PRELID2: variants seen among roughly 807,000 people sequenced by gnomAD.
The protein encoded by PRELID2 is PRELI domain-containing protein 2.
PRELID2 carries 25 observed loss-of-function variants against 28.4 expected under a neutral mutation model. That is an observed-to-expected ratio of 0.88 (90% CI 0.64 to 1.23). PRELID2 has a LOEUF of 1.23. Ranked by LOEUF, PRELID2 falls within the 50% of genes most tolerant of loss-of-function variation. The probability of loss-of-function intolerance (pLI) is 0.00; values close to 1 mark genes in which losing one functional copy is unlikely to be tolerated. For missense variants in PRELID2, 201 were observed against 214.4 expected, an observed-to-expected ratio of 0.94 and a Z score of 0.39; for synonymous variants, 76 against 71.6, an observed-to-expected ratio of 1.06 and a Z score of -0.31.
intron 1 of PRELID2, among the ~76,000 whole-genome samples, chr5:145,710,228 T>C (rs1381829461): frequency 6.6e-6 from 1 of 152,152 alleles, no homozygotes; most frequent in Non-Finnish European, 1.5e-5. Flanking sequence ...AAATATGTTA[T>C]ATATATGATA....
At chr5:145,688,076 CA>C (rs1308841278) in intron 1 of PRELID2, among the ~76,000 whole-genome samples, 3 of 152,190 alleles carry the variant, frequency 2.0e-5, no homozygotes, top group African/African-American at 7.2e-5. Context: ...AAGGGCTTGA[CA>C]AGGTTTCATT....
intron 1 of PRELID2, among the ~76,000 whole-genome samples, chr5:145,749,970 G>T (rs1757086312): frequency 1.3e-5 from 2 of 151,944 alleles, no homozygotes; most frequent in Non-Finnish European, 2.9e-5. Context: ...GTTGTGTGGT[G>T]GGGGGCAAGG....
chr5:145,371,117 C>T, the PRELID2 span, among the ~76,000 whole-genome samples: 3 of 152,060 alleles, frequency 2.0e-5, no homozygotes, highest in Non-Finnish European at 4.4e-5. Flanking sequence ...CTTTCTCTTG[C>T]CTGATTGCTC....
At chr5:145,634,852 T>C (rs978665969) in intron 1 of PRELID2, among the ~76,000 whole-genome samples, 1 of 152,180 alleles carries the variant, frequency 6.6e-6, no homozygotes, top group African/African-American at 2.4e-5. Flanking sequence ...AAAATATATT[T>C]TTGCTAAAAT....
chr5:145,410,150 A>G, the PRELID2 span, among the ~76,000 whole-genome samples: 3 of 152,238 alleles, frequency 2.0e-5, no homozygotes, highest in African/African-American at 7.2e-5. Context: ...CACCTTATAC[A>G]TAAATCAAGT....
chr5:145,518,984 T>A (rs935613268), intron 1 of PRELID2, among the ~76,000 whole-genome samples: 2 of 152,198 alleles, frequency 1.3e-5, no homozygotes, highest in African/African-American at 4.8e-5. Flanking sequence ...CATTTTTGTA[T>A]CCCATAACTT....
chr5:145,305,017 A>G, the PRELID2 span, among the ~76,000 whole-genome samples: 2 of 152,192 alleles, frequency 1.3e-5, no homozygotes, highest in African/African-American at 4.8e-5. Flanking sequence ...TTAAATTTAT[A>G]TCCATTACAA....
At chr5:145,522,623 C>A (rs538380135) in intron 1 of PRELID2, among the ~76,000 whole-genome samples, 1 of 152,280 alleles carries the variant, frequency 6.6e-6, no homozygotes, top group South Asian at 2.1e-4. Context: ...TAAAGAAGTA[C>A]CCATACACTA....
chr5:145,559,037 G>A (rs1400241296), intron 1 of PRELID2, among the ~76,000 whole-genome samples: 7 of 152,132 alleles, frequency 4.6e-5, no homozygotes, highest in Admixed American at 1.3e-4. Flanking sequence ...GGCGGATCAC[G>A]AGGTCAGGAG....
At chr5:145,605,216 C>T (rs1157852270) in intron 1 of PRELID2, among the ~76,000 whole-genome samples, 1 of 151,932 alleles carries the variant, frequency 6.6e-6, no homozygotes, top group Non-Finnish European at 1.5e-5. Context: ...GTTGCTCTTG[C>T]TTTTGATGTC....
chr5:145,353,557 G>A, the PRELID2 span, among the ~76,000 whole-genome samples: 1 of 152,142 alleles, frequency 6.6e-6, no homozygotes, highest in African/African-American at 2.4e-5. Context: ...CATGGCTGAG[G>A]AGGCCTCAGG....
chr5:145,373,038 TG>T, the PRELID2 span, among the ~76,000 whole-genome samples: 7 of 93,828 alleles, frequency 7.5e-5, no homozygotes, highest in African/African-American at 3.1e-4. Flanking sequence ...ATATATAATA[TG>T]ATATATATTA....
chr5:145,351,084 T>G, the PRELID2 span, among the ~76,000 whole-genome samples: 1 of 152,094 alleles, frequency 6.6e-6, no homozygotes, highest in East Asian at 1.9e-4. Flanking sequence ...AAGAGGAAAT[T>G]GAGGCCAAAA....
intron 5 of PRELID2, among the ~76,000 whole-genome samples, chr5:145,781,957 A>C (rs1751665878): frequency 1.3e-5 from 2 of 152,034 alleles, no homozygotes; most frequent in Admixed American, 1.3e-4. Context: ...AATTTAGCAC[A>C]AAAGAGTGAG....
chr5:145,638,472 T>G (rs143325197), intron 1 of PRELID2, among the ~76,000 whole-genome samples: 2 of 152,370 alleles, frequency 1.3e-5, no homozygotes, highest in African/African-American at 4.8e-5. Flanking sequence ...AAATTATTTT[T>G]TATTAATTTA....
chr5:145,646,440 T>G (rs1458650523), intron 1 of PRELID2, among the ~76,000 whole-genome samples: 1 of 152,206 alleles, frequency 6.6e-6, no homozygotes, highest in Non-Finnish European at 1.5e-5. Flanking sequence ...CGTCTAACCT[T>G]TTTTCAAGGT....
chr5:145,633,479 A>C (rs1404073517), intron 1 of PRELID2, among the ~76,000 whole-genome samples: 1 of 152,162 alleles, frequency 6.6e-6, no homozygotes, highest in African/African-American at 2.4e-5. Flanking sequence ...ACCACAGCAA[A>C]GGCAAATGGC....
chr5:145,610,145 G>A (rs1341850234), intron 1 of PRELID2, among the ~76,000 whole-genome samples: 1 of 152,168 alleles, frequency 6.6e-6, no homozygotes, highest in Non-Finnish European at 1.5e-5. Context: ...AGTCTTGCAT[G>A]GGTCTCTGTG....
chr5:145,688,471 A>G (rs1223233169), intron 1 of PRELID2, among the ~76,000 whole-genome samples: 1 of 152,224 alleles, frequency 6.6e-6, no homozygotes, highest in Non-Finnish European at 1.5e-5. Flanking sequence ...CATTGCTCTC[A>G]AGCAGCTTGC....
Sources: allele counts gnomAD v4.1 joint callset (sites outside exome capture counted in the v4.1 genomes callset), GRCh38; gene constraint gnomAD v4.1.1; transcripts MANE v1.5; gene names NCBI Gene and HGNC (gene_info 2026-07-23, HGNC 2026-07-21).